PDS5B: variants seen among roughly 807,000 people sequenced by gnomAD.
The protein encoded by PDS5B is PDS5 cohesin associated factor B.
In PDS5B, 51 loss-of-function variants were observed where a neutral mutation model predicts 184.1. The ratio of observed to expected loss-of-function variants is 0.28; its 90% CI spans 0.22 to 0.35. The LOEUF is 0.35. PDS5B is among the 10% of genes least tolerant of loss of function. The probability of loss-of-function intolerance (pLI) is 1.00; values close to 1 mark genes in which losing one functional copy is unlikely to be tolerated. For missense variants in PDS5B, 1,180 were observed against 1,723.3 expected (o/e 0.68, Z 5.58); for synonymous variants, 566 against 569.2 (o/e 0.99, Z 0.08).
rs1045881545 is a variant in PDS5B at position 32,694,316 on chromosome 13, T to G, written c.1551+12T>G. The G allele has an allele frequency of 6.5e-7, 1 of 1,536,406 alleles. No homozygotes were observed. Among genetic ancestry groups the G allele is most frequent in the African/African-American group, 1.4e-5 (1 of 71,988 alleles). ...TTAAGCAACCCAAAGTAAGTAAGAATTTTTTCCTTCAATGTTTTTTAAAAC... is the reference window on the plus strand; with the variant it reads ...TTAAGCAACCCAAAGTAAGTAAGAAGTTTTTCCTTCAATGTTTTTTAAAAC... On this transcript the variant is annotated intron_variant, in intron 14 of 34. Transcript: ENST00000315596.
intron 1 of PDS5B, among the ~76,000 whole-genome samples, chr13:32,606,113 A>G (rs144937073): frequency 0.024 from 3,597 of 152,184 alleles, 134 homozygotes; most frequent in African/African-American, 0.082. Context: ...TGTCATTATG[A>G]TGTTAGCTGG....
chr13:32,758,535 A>G lies in PDS5B; in HGVS notation c.3191A>G (p.Lys1064Arg). 6.2e-7 allele frequency: 1 copy of G among 1,609,580 alleles called. No homozygotes were observed. Among genetic ancestry groups the G allele is most frequent in the Non-Finnish European group, 8.5e-7 (1 of 1,177,632 alleles). ...QGPDDAKMNE[K>R]LYTVCDVAMN... is the part of the protein sequence containing the mutation. ...GTTTTTAAAAATATACTATTGCAGA[A>G]ACTGTACACTGTGTGTGATGTTGCC... Residue 1064 changes from lysine to arginine, a missense_variant and splice_region_variant, in exon 28 of 35, where the codon AAA becomes AGA. Lys to Arg is a conservative substitution (Grantham distance 26, BLOSUM62 2). Around this residue, in one of 11 missense-constraint regions of PDS5B, gnomAD observed 465 missense variants for 497.8 expected, o/e 0.93. Coordinates refer to ENST00000315596, the MANE Select transcript of PDS5B (RefSeq NM_015032.4).
intron 6 of PDS5B, among the ~76,000 whole-genome samples, chr13:32,660,229 G>A (rs1003943626): frequency 6.6e-6 from 1 of 152,160 alleles, no homozygotes; most frequent in Non-Finnish European, 1.5e-5. Context: ...AGAGAAGGGG[G>A]AAGCTGGCAA....
intron 1 of PDS5B, among the ~76,000 whole-genome samples, chr13:32,629,815 T>G (rs1160933293): frequency 6.6e-6 from 1 of 152,242 alleles, no homozygotes; most frequent in Admixed American, 6.5e-5. Context: ...CTTTCTGATC[T>G]TGGGCAAAAT....
intron 18 of PDS5B, 99 bp from the exon 19 acceptor site, chr13:32,709,847 A>G (rs995350584): frequency 1.8e-5 from 12 of 682,438 alleles, no homozygotes; most frequent in Non-Finnish European, 2.5e-5. Context: ...ATTTTTTTTA[A>G]TAGACTTTGA....
At position 32,667,817 on chromosome 13, in the gene PDS5B, T is replaced by C; in HGVS notation, c.678T>C (p.Ala226=). The C allele has an allele frequency of 6.3e-7, 1 of 1,590,580 alleles. No individual in the cohort carries two copies. The highest frequency in any genetic ancestry group is 1.8e-5 in the Admixed American group (1 of 54,634). ...DLAKALLKRT[A]QAIEPYITNF... ...CAAAGGCTTTACTGAAGAGGACAGC[T>C]CAAGCTATTGAGCCATATATTACCA... The change falls in exon 7 of 35, where the codon GCT becomes GCC. Residue 226 remains alanine, a synonymous_variant. Coordinates refer to ENST00000315596, the MANE Select transcript of PDS5B (RefSeq NM_015032.4).
At chr13:32,657,991 A>G (rs370943290) in intron 3 of PDS5B, among the ~76,000 whole-genome samples, 5 of 152,264 alleles carry the variant, frequency 3.3e-5, no homozygotes, top group African/African-American at 9.6e-5. Context: ...TTGCTATAAG[A>G]TGAAGTTTTT....
intron 23 of PDS5B, among the ~76,000 whole-genome samples, chr13:32,743,692 C>T (rs1276561946): frequency 6.6e-6 from 1 of 151,906 alleles, no homozygotes; most frequent in Non-Finnish European, 1.5e-5. Context: ...GTATTCTTTG[C>T]ATAGAATGTT....
chr13:32,735,741 T>C (rs965502858), intron 21 of PDS5B, among the ~76,000 whole-genome samples: 4 of 151,542 alleles, frequency 2.6e-5, no homozygotes, highest in Non-Finnish European at 4.4e-5. Context: ...CGAAAAAACA[T>C]TGGGAGAGGA....
chr13:32,689,209 C>T (rs999497629), intron 13 of PDS5B: 1 of 152,060 alleles, frequency 6.6e-6, no homozygotes, highest in Non-Finnish European at 1.5e-5. Flanking sequence ...CCTTAGTATT[C>T]CAGCAAATGT....
At chr13:32,715,535 A>G (rs1295477755) in intron 19 of PDS5B, among the ~76,000 whole-genome samples, 1 of 152,234 alleles carries the variant, frequency 6.6e-6, no homozygotes, top group Admixed American at 6.5e-5. Flanking sequence ...AATGATGTAA[A>G]TAAGTTCAAG....
chr13:32,768,474 G>A (rs1954655840), intron 31 of PDS5B, among the ~76,000 whole-genome samples: 1 of 152,002 alleles, frequency 6.6e-6, no homozygotes, highest in African/African-American at 2.4e-5. Context: ...GGTGGTGGGG[G>A]CCACAATTCA....
At chr13:32,603,843 G>A (rs2058017620) in intron 1 of PDS5B, among the ~76,000 whole-genome samples, 1 of 152,164 alleles carries the variant, frequency 6.6e-6, no homozygotes, top group Non-Finnish European at 1.5e-5. Flanking sequence ...TCTCTTTGAA[G>A]CAATTGTGAA....
chr13:32,706,573 A>G (rs1952026064), intron 17 of PDS5B, among the ~76,000 whole-genome samples: 1 of 152,074 alleles, frequency 6.6e-6, no homozygotes, highest in Non-Finnish European at 1.5e-5. Flanking sequence ...ATTTCTGTGT[A>G]TATTGTTCTA....
chr13:32,673,185 A>G lies in PDS5B; in HGVS notation c.706-31A>G, dbSNP rs983791855. ...CATTCAACTTGTCTCTGGTTTTTCT[A>G]CTAATGATAGGCTTTCTTTCTCCTC... On this transcript the variant is annotated intron_variant, in intron 7 of 34. Coordinates refer to ENST00000315596, the MANE Select transcript of PDS5B (RefSeq NM_015032.4). The G allele has an allele frequency of 1.0e-5, 16 of 1,587,162 alleles. No individual in the cohort carries two copies. In the East Asian group the frequency reaches 3.6e-4, roughly 36 times the overall value.
At chr13:32,631,114 C>CTTTTTTTTT (rs766844209) in intron 1 of PDS5B, among the ~76,000 whole-genome samples, 3 of 123,740 alleles carry the variant, frequency 2.4e-5, no homozygotes, top group African/African-American at 5.7e-5. Flanking sequence ...TTCTTTTTTT[C>CTTTTTTTTT]TTTCTTTTTT....
intron 17 of PDS5B, among the ~76,000 whole-genome samples, chr13:32,705,424 A>C (rs868727004): frequency 6.6e-6 from 1 of 152,176 alleles, no homozygotes; most frequent in Non-Finnish European, 1.5e-5. Flanking sequence ...AGAAATACCA[A>C]CTGTTAAAGA....
At chr13:32,672,036 A>G (rs1298173218) in intron 7 of PDS5B, among the ~76,000 whole-genome samples, 1 of 152,204 alleles carries the variant, frequency 6.6e-6, no homozygotes, top group Non-Finnish European at 1.5e-5. Context: ...AGTTAGAGCT[A>G]GCTATATGGT....
intron 1 of PDS5B, among the ~76,000 whole-genome samples, chr13:32,635,224 G>C (rs570935617): frequency 1.9e-5 from 2 of 103,840 alleles, no homozygotes; most frequent in Non-Finnish European, 3.7e-5. Flanking sequence ...TTGTGGAGAT[G>C]GGGGGGTCTC....
Sources: allele counts gnomAD v4.1 joint callset (sites outside exome capture counted in the v4.1 genomes callset), GRCh38; gene constraint gnomAD v4.1.1; regional missense constraint gnomAD v4.1.1; transcripts MANE v1.5; gene names NCBI Gene and HGNC (gene_info 2026-07-23, HGNC 2026-07-21).